The following FRMPD3 variants were observed in gnomAD, a reference collection of about 807,000 sequenced individuals.
FRMPD3 encodes FERM and PDZ domain-containing protein 3.
In FRMPD3, 42 loss-of-function variants were observed where a neutral mutation model predicts 97.9. The observed-to-expected ratio is 0.43, with a 90% CI of 0.34 to 0.55. The LOEUF (loss-of-function observed/expected upper bound fraction) is 0.55. Ranked by LOEUF, FRMPD3 falls within the 20% of genes least tolerant of loss-of-function variation. FRMPD3 has a pLI of 0.03. For synonymous variants in FRMPD3, 577 were observed against 581.1 expected (o/e 0.99, Z 0.10); for missense variants, 1,303 against 1,457.7 (o/e 0.89, Z 1.73).
At chrX:107,478,102 G>C (rs759138120) in intron 1 of FRMPD3, among the ~76,000 whole-genome samples, 3 of 112,010 alleles carry the variant, frequency 2.7e-5, no homozygotes, top group Admixed American at 9.5e-5. Context: ...ACTATGGTTA[G>C]AGCTAAATGA....
intron 1 of FRMPD3, among the ~76,000 whole-genome samples, chrX:107,458,572 G>A (rs1317816265): frequency 9.0e-6 from 1 of 111,694 alleles, no homozygotes; most frequent in East Asian, 2.8e-4. Flanking sequence ...TGGTCAGGGT[G>A]TTATCAAGAA....
Position 107,489,234 on chromosome X carries a change from G to A in FRMPD3, c.-7-37348G>A, listed in dbSNP as rs1429175964. ...CCACATTTTCTTAATCCAGTCTATC[G>A]TTGTTGGACATTTGGGTTGGTTCCA... On this transcript the variant is annotated intron_variant, in intron 1 of 14. Coordinates refer to ENST00000683843, the MANE Select transcript of FRMPD3 (RefSeq NM_001388459.1). Among the ~76,000 whole-genome samples the A allele has an allele frequency of 1.0e-4, 11 of 109,004 alleles. No homozygotes were observed. In the South Asian group the frequency reaches 1.6e-3, roughly 16 times the overall value. 94.7% of individuals were successfully genotyped at this position (109,004 alleles called of 115,157 possible).
At chrX:107,480,497 G>A (rs776491943) in intron 1 of FRMPD3, among the ~76,000 whole-genome samples, 3 of 110,793 alleles carry the variant, frequency 2.7e-5, no homozygotes, top group Non-Finnish European at 5.7e-5. Flanking sequence ...ATGGGCCATG[G>A]TGGTGATTGT....
At chrX:107,577,512 G>A (rs1390538461) in intron 13 of FRMPD3, among the ~76,000 whole-genome samples, 3 of 106,848 alleles carry the variant, frequency 2.8e-5, no homozygotes, top group East Asian at 2.9e-4. Flanking sequence ...AGCCAAGTGT[G>A]GTGGTAGGTC....
At chrX:107,589,645 T>C (rs1283723426) in intron 13 of FRMPD3, among the ~76,000 whole-genome samples, 1 of 112,330 alleles carries the variant, frequency 8.9e-6, no homozygotes, top group Non-Finnish European at 1.9e-5. Context: ...CCGCTGTTTC[T>C]AGTCAGCCAT....
chrX:107,501,095 A>G (rs1016710668), intron 1 of FRMPD3, among the ~76,000 whole-genome samples: 1 of 110,684 alleles, frequency 9.0e-6, no homozygotes, highest in Non-Finnish European at 1.9e-5. Context: ...TTACACAGCA[A>G]TTGGCAAGCA....
intron 1 of FRMPD3, among the ~76,000 whole-genome samples, chrX:107,503,692 C>T (rs1324628303): frequency 1.8e-5 from 2 of 112,119 alleles, no homozygotes; most frequent in African/African-American, 3.2e-5. Flanking sequence ...GCTTTCTGGT[C>T]TTTCATGGGG....
intron 1 of FRMPD3, among the ~76,000 whole-genome samples, chrX:107,499,621 T>C (rs992414664): frequency 8.9e-6 from 1 of 112,232 alleles, no homozygotes; most frequent in Non-Finnish European, 1.9e-5. Flanking sequence ...TGGCATTTAA[T>C]AATAATAAAA....
rs1924437270 is a variant in FRMPD3, at chrX:107,600,458, A to G, written c.2419A>G (p.Ser807Gly). The change falls in exon 15 of 15, where the codon AGC becomes GGC. Residue 807 changes from serine to glycine, a missense_variant. Physicochemically the swap from Ser to Gly is moderately conservative, Grantham distance 56 (BLOSUM62 0). Transcript: ENST00000683843. Reference sequence around the variant, plus strand: ...CCTGGCCCAGCACCTCAACAAGGACAGCCTCCTTGCCCGCAAGGACCTGCC... The same window carrying G: ...CCTGGCCCAGCACCTCAACAAGGACGGCCTCCTTGCCCGCAAGGACCTGCC... The part of the protein sequence containing the change: ...YFLAQHLNKD[S>G]LLARKDLPFR... 1 of 1,210,549 alleles carries G rather than the reference A, an allele frequency of 8.3e-7. No individual in the cohort carries two copies. The highest frequency in any genetic ancestry group is 3.0e-5 in the East Asian group (1 of 33,815).
chrX:107,524,719 G>A (rs1338589684), intron 1 of FRMPD3, among the ~76,000 whole-genome samples: 4 of 110,865 alleles, frequency 3.6e-5, no homozygotes, highest in South Asian at 3.8e-4. Flanking sequence ...TCGGCTAGGC[G>A]CGGTGGCTCA....
In FRMPD3 at chrX:107,598,200, G is replaced by A. The variant is rs1031915129; in HGVS notation, c.2263+58G>A. ...CCCTTCTCTTGTCCAACAAGGGCCA[G>A]TAGGTAACATTGTGTCTTCCCAAAT... On this transcript the variant is annotated intron_variant, in intron 14 of 14. Coordinates refer to ENST00000683843, the MANE Select transcript of FRMPD3 (RefSeq NM_001388459.1). 5 of 1,004,227 alleles carry A rather than the reference G, an allele frequency of 5.0e-6. No individual in the cohort carries two copies. The East Asian group carries it at 9.3e-5, about 19-fold the overall frequency. 82.8% of individuals were successfully genotyped at this position (1,004,227 alleles called of 1,213,427 possible). A position where few individuals can be genotyped will look rare whatever the true frequency, so the allele number is the denominator to read the frequency against.
chrX:107,485,900 C>T (rs1471320864), intron 1 of FRMPD3, among the ~76,000 whole-genome samples: 1 of 111,631 alleles, frequency 9.0e-6, no homozygotes, highest in Non-Finnish European at 1.9e-5. Flanking sequence ...GGGGGTAAGG[C>T]AGGATGATCC....
intron 1 of FRMPD3, chrX:107,512,953 C>A (rs1199052390): frequency 8.9e-6 from 1 of 112,740 alleles, no homozygotes; most frequent in African/African-American, 3.2e-5. Context: ...GCAGCCCCAA[C>A]AGGCAGGGTT....
At chrX:107,473,158 A>G (rs1211438524) in intron 1 of FRMPD3, among the ~76,000 whole-genome samples, 3 of 112,554 alleles carry the variant, frequency 2.7e-5, no homozygotes, top group African/African-American at 9.7e-5. Flanking sequence ...TGACTTGCTC[A>G]GGGGCACATG....
chrX:107,460,918 G>A (rs1221377586), intron 1 of FRMPD3, among the ~76,000 whole-genome samples: 2 of 110,940 alleles, frequency 1.8e-5, no homozygotes, highest in Non-Finnish European at 1.9e-5. Context: ...ACCTACAGTC[G>A]AGCTGTAATC....
intron 7 of FRMPD3, 71 bp downstream of exon 7, chrX:107,552,997 C>G (rs1422052299): frequency 9.4e-7 from 1 of 1,060,498 alleles, no homozygotes; most frequent in African/African-American, 1.9e-5. Context: ...CACTCCCTGT[C>G]TGGAAAATTT....
chrX:107,519,679 G>A (rs964211541), intron 1 of FRMPD3, among the ~76,000 whole-genome samples: 1 of 111,469 alleles, frequency 9.0e-6, no homozygotes, highest in Admixed American at 9.5e-5. Context: ...GAGAGTGGTA[G>A]AGGTGGGCGG....
intron 13 of FRMPD3, among the ~76,000 whole-genome samples, chrX:107,586,960 T>C (rs1157804746): frequency 2.7e-5 from 3 of 112,169 alleles, no homozygotes; most frequent in African/African-American, 3.2e-5. Context: ...AGATGTCTAT[T>C]AGGTCCACTT....
chrX:107,601,549 G>C lies in FRMPD3; in HGVS notation c.3510G>C (p.Gln1170His). ...GCCCCAGCTGCCAACCTCGAGGCCA[G>C]AGCCCACTGAGGTCTCAGGCTGCCA... is the stretch of plus-strand genomic sequence containing the variant. ...GQSPSCQPRG[Q>H]SPLRSQAASR... The change falls in exon 15 of 15, where the codon CAG becomes CAC. Residue 1170 changes from glutamine (Q) to histidine (H), a missense_variant. Coordinates refer to ENST00000683843, the MANE Select transcript of FRMPD3 (RefSeq NM_001388459.1). 1 of 1,189,653 alleles carries C rather than the reference G, an allele frequency of 8.4e-7. No homozygotes were observed.
Sources: allele counts gnomAD v4.1 joint callset (sites outside exome capture counted in the v4.1 genomes callset), GRCh38; gene constraint gnomAD v4.1.1; transcripts MANE v1.5; gene names NCBI Gene and HGNC (gene_info 2026-07-23, HGNC 2026-07-21).